Variants in SHANK2 observed in about 807,000 individuals in gnomAD.
The protein encoded by SHANK2 is SH3 and multiple ankyrin repeat domains protein 2.
SHANK2 carries 43 observed loss-of-function variants against 133.7 expected under a neutral mutation model. That is an observed-to-expected ratio of 0.32 (90% CI 0.25 to 0.41). The LOEUF (loss-of-function observed/expected upper bound fraction) is 0.41. Among genes scored for constraint, SHANK2 ranks in the 10% least tolerant of loss-of-function variants. The pLI is 1.00. For missense variants in SHANK2, 1,994 were observed against 2,235.8 expected (o/e 0.89, Z 2.18); for synonymous variants, 1,017 against 952.8 (o/e 1.07, Z -1.24).
intron 13 of SHANK2, among the ~76,000 whole-genome samples, chr11:70,799,601 C>A (rs1443144585): frequency 6.6e-6 from 1 of 152,196 alleles, no homozygotes; most frequent in East Asian, 1.9e-4. Context: ...CTATTCATTA[C>A]GTGGTTGCTG....
At chr11:70,842,116 C>T (rs1948916025) in intron 11 of SHANK2, among the ~76,000 whole-genome samples, 1 of 152,222 alleles carries the variant, frequency 6.6e-6, no homozygotes, top group African/African-American at 2.4e-5. Context: ...AAATCACGAA[C>T]AGAACAAATG....
At chr11:71,086,653 C>A (rs1255560844) in intron 8 of SHANK2, among the ~76,000 whole-genome samples, 17 of 151,070 alleles carry the variant, frequency 1.1e-4, no homozygotes, top group Middle Eastern at 3.4e-3. Context: ...CTGAGGTCCC[C>A]TGAGAAGGAT....
intron 14 of SHANK2, among the ~76,000 whole-genome samples, chr11:70,738,219 A>G (rs1228158815): frequency 1.3e-5 from 2 of 152,246 alleles, no homozygotes; most frequent in African/African-American, 4.8e-5. Flanking sequence ...CTGCTAAGAG[A>G]CCTGGTAGAT....
intron 8 of SHANK2, among the ~76,000 whole-genome samples, chr11:71,080,512 G>C (rs1277997420): frequency 6.6e-6 from 1 of 152,204 alleles, no homozygotes; most frequent in Non-Finnish European, 1.5e-5. Context: ...CAGAGCAGCG[G>C]GGAGGTCACT....
At chr11:71,229,751 T>A in intron 1 of SHANK2, among the ~76,000 whole-genome samples, 1 of 121,970 alleles carries the variant, frequency 8.2e-6, no homozygotes. Flanking sequence ...AGAGTGAGAC[T>A]CCATCTCAAA....
chr11:71,099,977 AG>A (rs1465672419), intron 6 of SHANK2, among the ~76,000 whole-genome samples: 6 of 150,894 alleles, frequency 4.0e-5, no homozygotes, highest in Non-Finnish European at 8.8e-5. Context: ...TGAGCCCAGG[AG>A]GTCAAGTTTG....
chr11:70,502,805 T>C lies in SHANK2; in HGVS notation c.2188A>G (p.Arg730Gly). ...TRNLDPDDTA[R>G]KKAPPPPKRA... ...GATGTGGGGCATGTACCTTTCTTCC[T>C]GGCGGTGTCGTCGGGGTCCAGATTC... The change falls in exon 18 of 26, where the codon AGG becomes GGG. Residue 730 changes from arginine (R) to glycine (G), a missense_variant. Arg to Gly is a moderately radical substitution (Grantham distance 125). Coordinates refer to ENST00000601538, the MANE Select transcript of SHANK2 (RefSeq NM_012309.5). The C allele has an allele frequency of 6.9e-7, 1 of 1,443,288 alleles. No homozygotes were observed. Among genetic ancestry groups the C allele is most frequent in the Non-Finnish European group, 9.3e-7 (1 of 1,080,376 alleles). 89.4% of individuals were successfully genotyped at this position (1,443,288 alleles called of 1,614,324 possible).
chr11:70,533,085 G>C (rs1326338568), intron 17 of SHANK2, among the ~76,000 whole-genome samples: 31 of 152,142 alleles, frequency 2.0e-4, no homozygotes, highest in African/African-American at 7.5e-4. Flanking sequence ...CCGGAGGCTG[G>C]GGGGAGGGGC....
chr11:70,644,019 C>A (rs574908936), intron 17 of SHANK2, among the ~76,000 whole-genome samples: 1 of 152,194 alleles, frequency 6.6e-6, no homozygotes, highest in Non-Finnish European at 1.5e-5. Context: ...TACGTGGCGG[C>A]GAGCAGGGGT....
intron 17 of SHANK2, among the ~76,000 whole-genome samples, chr11:70,615,166 G>C (rs1226613525): frequency 1.3e-5 from 2 of 152,152 alleles, no homozygotes; most frequent in Non-Finnish European, 2.9e-5. Flanking sequence ...GAATGAGTAG[G>C]GGGTGGAGAA....
chr11:70,568,157 A>G (rs1285391339), intron 17 of SHANK2, among the ~76,000 whole-genome samples: 2 of 152,222 alleles, frequency 1.3e-5, no homozygotes, highest in African/African-American at 2.4e-5. Flanking sequence ...TCCAACAAGG[A>G]TAACCTAGAA....
chr11:71,248,989 G>A (rs1389079719), intron 1 of SHANK2, among the ~76,000 whole-genome samples: 1 of 152,150 alleles, frequency 6.6e-6, no homozygotes, highest in Non-Finnish European at 1.5e-5. Context: ...GTGGCAGCAG[G>A]CCCTCAGATG....
rs2058857954 is a variant in SHANK2, at chr11:70,489,688, A to G, written c.2552-340T>C. 3 of 402,314 alleles carry G rather than the reference A, an allele frequency of 7.5e-6. No homozygotes were observed. In the Admixed American group the frequency reaches 1.2e-4, roughly 16 times the overall value. The allele number at this position is 402,314 out of a possible 1,614,324, so 24.9% of individuals were successfully genotyped here. ...AAGGCAATGCTGAATTATCTCACAAAGGGACTGTCTCAAAGGGTCAAGTGT... is the reference window on the plus strand; with the variant it reads ...AAGGCAATGCTGAATTATCTCACAAGGGGACTGTCTCAAAGGGTCAAGTGT... On this transcript the variant is annotated intron_variant, in intron 23 of 25. Coordinates refer to ENST00000601538, the MANE Select transcript of SHANK2 (RefSeq NM_012309.5).
chr11:71,085,510 T>C (rs1489934669), intron 8 of SHANK2, among the ~76,000 whole-genome samples: 3 of 117,544 alleles, frequency 2.6e-5, no homozygotes, highest in African/African-American at 9.8e-5. Flanking sequence ...ATATATGTTA[T>C]ATTATATATG....
rs529997870 is a variant in SHANK2, at chr11:70,934,905, G to A, written c.1108-38338C>T. On this transcript the variant is annotated intron_variant, in intron 10 of 25. Coordinates refer to ENST00000601538, the MANE Select transcript of SHANK2 (RefSeq NM_012309.5). The stretch of plus-strand genomic sequence containing the variant: ...CTGCCTGCATTTTGCCGGGGACCGC[G>A]ATGCAAACCAAAGCGACGCAGCAGC... 1.3e-4 allele frequency among the ~76,000 whole-genome samples: 20 copies of A among 152,204 alleles called. No homozygotes were observed. In the South Asian group the frequency reaches 3.3e-3, roughly 25 times the overall value.
chr11:70,658,282 G>GACACACAC, intron 17 of SHANK2, among the ~76,000 whole-genome samples: 1 of 111,616 alleles, frequency 9.0e-6, no homozygotes, highest in South Asian at 3.0e-4. Flanking sequence ...CACACACACA[G>GACACACAC]ACACACACAC....
intron 14 of SHANK2, among the ~76,000 whole-genome samples, chr11:70,775,343 C>A (rs923106752): frequency 5.3e-5 from 8 of 152,178 alleles, no homozygotes; most frequent in Non-Finnish European, 1.0e-4. Context: ...GTAATCCCAG[C>A]TACTCGGGAG....
intron 21 of SHANK2, among the ~76,000 whole-genome samples, chr11:70,499,139 C>T (rs540757627): frequency 1.0e-3 from 155 of 152,350 alleles, no homozygotes; most frequent in Middle Eastern, 6.8e-3. Context: ...CTATGTGCCC[C>T]GCACTTCGCA....
chr11:70,689,239 G>A (rs1429668884), intron 15 of SHANK2, among the ~76,000 whole-genome samples: 6 of 152,234 alleles, frequency 3.9e-5, no homozygotes, highest in African/African-American at 1.4e-4. Context: ...CAGGTTGGAA[G>A]TTAAGGACAT....
Sources: allele counts gnomAD v4.1 joint callset (sites outside exome capture counted in the v4.1 genomes callset), GRCh38; gene constraint gnomAD v4.1.1; transcripts MANE v1.5; gene names NCBI Gene and HGNC (gene_info 2026-07-23, HGNC 2026-07-21).